Variants in CYP4X1 observed in about 807,000 individuals in gnomAD.
CYP4X1 encodes cytochrome P450 4X1.
CYP4X1 carries 44 observed loss-of-function variants against 57.9 expected under a neutral mutation model. The observed-to-expected ratio is 0.76, with a 90% CI of 0.60 to 0.98. The LOEUF is 0.98. Among genes scored for constraint, CYP4X1 ranks in the 50% least tolerant of loss-of-function variants. The probability of loss-of-function intolerance (pLI) is 0.00; values close to 1 mark genes in which losing one functional copy is unlikely to be tolerated. For missense variants in CYP4X1, 532 were observed against 623.9 expected, an observed-to-expected ratio of 0.85 and a Z score of 1.57; for synonymous variants, 227 against 228.6, an observed-to-expected ratio of 0.99 and a Z score of 0.06.
the CYP4X1 span, among the ~76,000 whole-genome samples, chr1:46,997,365 C>T: frequency 1.3e-5 from 2 of 152,290 alleles, no homozygotes; most frequent in Non-Finnish European, 2.9e-5. Context: ...TCAACCCTTG[C>T]CCTCCTTGCT....
the CYP4X1 span, chr1:46,994,647 G>A: frequency 8.5e-5 from 13 of 152,322 alleles, no homozygotes; most frequent in Non-Finnish European, 1.8e-4. Context: ...GGACCCCAGT[G>A]TCCAGAATTG....
the CYP4X1 span, among the ~76,000 whole-genome samples, chr1:46,970,713 C>T: frequency 6.6e-6 from 1 of 152,172 alleles, no homozygotes. Flanking sequence ...AGATAATAGT[C>T]TTGTGGCACC....
At chr1:47,021,445 T>C, upstream of CYP4X1, among the ~76,000 whole-genome samples, 1 of 151,968 alleles carries the variant, frequency 6.6e-6, no homozygotes, top group East Asian at 1.9e-4. Context: ...GTGGCAGAGG[T>C]CGGGTGGTCA....
chr1:47,049,872 G>C, intron 11 of CYP4X1, 128 bp from the exon 12 acceptor site: 1 of 1,046,236 alleles, frequency 9.6e-7, no homozygotes, highest in Non-Finnish European at 1.4e-6. Flanking sequence ...AAGTTCAAAA[G>C]TTTCAATGGC....
chr1:46,991,999 G>C, the CYP4X1 span, among the ~76,000 whole-genome samples: 10 of 152,220 alleles, frequency 6.6e-5, no homozygotes, highest in African/African-American at 2.2e-4. Flanking sequence ...CCACTCCCAG[G>C]ACTGTCATTA....
the CYP4X1 span, among the ~76,000 whole-genome samples, chr1:47,008,495 G>C: frequency 6.6e-6 from 1 of 152,208 alleles, no homozygotes; most frequent in Admixed American, 6.5e-5. Context: ...ACCATCAAGG[G>C]CAGGAAAAAA....
chr1:47,017,359 C>T, the CYP4X1 span, among the ~76,000 whole-genome samples: 2 of 152,102 alleles, frequency 1.3e-5, no homozygotes, highest in African/African-American at 4.8e-5. Flanking sequence ...GGCATAAAAA[C>T]CAAGGCTTTA....
the CYP4X1 span, among the ~76,000 whole-genome samples, chr1:47,010,362 C>G: frequency 6.6e-6 from 1 of 152,102 alleles, no homozygotes; most frequent in Non-Finnish European, 1.5e-5. Context: ...AATTCAACAA[C>G]CTTCATGCTA....
At chr1:47,052,914 CTTTTT>C (rs1011604822), downstream of CYP4X1, among the ~76,000 whole-genome samples, 1 of 151,842 alleles carries the variant, frequency 6.6e-6, no homozygotes, top group African/African-American at 2.4e-5. Context: ...TTCTCTATTT[CTTTTT>C]TTTATTTTAT....
chr1:47,020,541 C>T (rs969298899), upstream of CYP4X1, among the ~76,000 whole-genome samples: 7 of 152,210 alleles, frequency 4.6e-5, no homozygotes, highest in African/African-American at 1.4e-4. Context: ...AGTACTTAAG[C>T]GACCCTTGTC....
At chr1:47,033,164 C>T (rs1254705308) in intron 3 of CYP4X1, 77 bp from the exon 4 acceptor site, 8 of 1,529,500 alleles carry the variant, frequency 5.2e-6, no homozygotes, top group South Asian at 2.6e-5. Flanking sequence ...GGTTACTCCA[C>T]GCTGCCTGTG....
chr1:47,011,513 C>G, the CYP4X1 span, among the ~76,000 whole-genome samples: 1 of 152,300 alleles, frequency 6.6e-6, no homozygotes, highest in East Asian at 1.9e-4. Flanking sequence ...GACTTTATGA[C>G]TAAAACACCA....
At chr1:46,984,390 A>C in the CYP4X1 span, among the ~76,000 whole-genome samples, 4 of 151,632 alleles carry the variant, frequency 2.6e-5, no homozygotes, top group Admixed American at 6.6e-5. Flanking sequence ...AAAAAAAAAA[A>C]AAAAAAAAAA....
At chr1:47,046,667 A>G in intron 9 of CYP4X1, 67 bp downstream of exon 9, 1 of 1,607,696 alleles carries the variant, frequency 6.2e-7, no homozygotes. Context: ...AGTGACAAAG[A>G]TTAGTGAGTC....
chr1:47,054,620 G>A (rs1018106725), downstream of CYP4X1, among the ~76,000 whole-genome samples: 493 of 152,224 alleles, frequency 3.2e-3, 1 homozygote, highest in Middle Eastern at 0.02. Flanking sequence ...AGTTCTCCTT[G>A]AAGAGGTCCT....
chr1:46,969,265 G>T, the CYP4X1 span, among the ~76,000 whole-genome samples: 3 of 152,162 alleles, frequency 2.0e-5, no homozygotes, highest in Non-Finnish European at 4.4e-5. Context: ...AACTTACTGA[G>T]GCCCTCACCA....
At chr1:47,035,099 G>T (rs1644165640) in intron 4 of CYP4X1, among the ~76,000 whole-genome samples, 1 of 149,810 alleles carries the variant, frequency 6.7e-6, no homozygotes, top group Admixed American at 6.6e-5. Context: ...CTAGGGGCTA[G>T]GTGCTTAAGA....
chr1:47,042,249 G>C (rs902051173), intron 8 of CYP4X1, among the ~76,000 whole-genome samples: 5 of 148,470 alleles, frequency 3.4e-5, no homozygotes, highest in Non-Finnish European at 7.4e-5. Context: ...AATTGCTTTG[G>C]CTATTTGAGT....
intron 6 of CYP4X1, 97 bp downstream of exon 6, chr1:47,036,268 C>G (rs1644180837): frequency 7.3e-7 from 1 of 1,376,408 alleles, no homozygotes; most frequent in Non-Finnish European, 9.5e-7. Context: ...GAGAAAGAAT[C>G]TTTGTTATTA....
Sources: allele counts gnomAD v4.1 joint callset (sites outside exome capture counted in the v4.1 genomes callset), GRCh38; gene constraint gnomAD v4.1.1; transcripts MANE v1.5; gene names NCBI Gene and HGNC (gene_info 2026-07-23, HGNC 2026-07-21).